Variants in MFN2 observed in about 807,000 individuals in gnomAD.
MFN2 encodes mitofusin 2, also known as mitofusin-2.
Under a neutral mutation model 87.5 loss-of-function variants are expected in MFN2, and 43 were observed. The ratio of observed to expected loss-of-function variants is 0.49; its 90% CI spans 0.38 to 0.63. The LOEUF (loss-of-function observed/expected upper bound fraction) is 0.63. Ranked by LOEUF, MFN2 falls within the 30% of genes least tolerant of loss-of-function variation. The pLI, the probability that MFN2 is intolerant of heterozygous loss-of-function variation, is 0.00. For synonymous variants in MFN2, 337 were observed against 359.9 expected (o/e 0.94, Z 0.72); for missense variants, 743 against 972.8 (o/e 0.76, Z 3.14).
intron 3 of MFN2, 103 bp from the exon 4 acceptor site, chr1:11,992,452 G>A: frequency 3.5e-6 from 5 of 1,434,828 alleles, no homozygotes; most frequent in Non-Finnish European, 4.9e-6. Context: ...GCCAGAGGTG[G>A]ACTCGTTTAG....
At chr1:11,998,093 A>C (rs753289339) in intron 6 of MFN2, among the ~76,000 whole-genome samples, 5 of 150,452 alleles carry the variant, frequency 3.3e-5, no homozygotes, top group Non-Finnish European at 7.4e-5. Context: ...CATGTTGGCC[A>C]GGCTGGTCTT....
chr1:11,990,389 A>G (rs1177048271), intron 3 of MFN2, among the ~76,000 whole-genome samples: 1 of 152,204 alleles, frequency 6.6e-6, no homozygotes, highest in Non-Finnish European at 1.5e-5. Flanking sequence ...AAATAATCCC[A>G]ACTCATTGCC....
rs1569842382 is a variant in MFN2, at chr1:11,998,810, G to A, written c.640G>A (p.Asp214Asn). Reference protein sequence around the residue: ...DVTTELDSWIDKFCLDADVFV... With the variant: ...DVTTELDSWINKFCLDADVFV... ...CACCACAGAGCTGGACAGCTGGATT[G>A]ACAAGTTTTGTCTGGATGCTGATGT... The change falls in exon 7 of 19, where the codon GAC (aspartate) becomes AAC (asparagine). Residue 214 changes from aspartate (D) to asparagine (N), a missense_variant. Asp to Asn is a conservative substitution (Grantham distance 23). Transcript: ENST00000235329. The A allele has an allele frequency of 1.9e-6, 3 of 1,614,120 alleles. No homozygotes were observed. The highest frequency in any genetic ancestry group is 2.5e-6 in the Non-Finnish European group (3 of 1,180,018).
chr1:11,984,293 C>T (rs1380065263), intron 2 of MFN2, among the ~76,000 whole-genome samples: 3 of 152,114 alleles, frequency 2.0e-5, no homozygotes, highest in Non-Finnish European at 2.9e-5. Flanking sequence ...TCCGTGATAG[C>T]GGGTAAGGGA....
intron 2 of MFN2, among the ~76,000 whole-genome samples, chr1:11,983,684 T>C (rs190224857): frequency 2.0e-5 from 3 of 152,250 alleles, no homozygotes; most frequent in Non-Finnish European, 4.4e-5. Flanking sequence ...TGCATCACCC[T>C]GGAGGAGTAG....
At chr1:11,993,262 C>G (rs986601987) in intron 4 of MFN2, among the ~76,000 whole-genome samples, 2 of 151,460 alleles carry the variant, frequency 1.3e-5, no homozygotes, top group Admixed American at 1.3e-4. Context: ...ATTCATAAAA[C>G]TTTTATTCCA....
At position 12,004,595 on chromosome 1, in the gene MFN2, C is replaced by G. The variant is rs760253679; in HGVS notation, c.1374C>G (p.Val458=). Residue 458 remains valine, a synonymous_variant, in exon 13 of 19, where the codon GTC becomes GTG. Coordinates refer to ENST00000235329, the MANE Select transcript of MFN2 (RefSeq NM_014874.4). This position sits in a 1 kb window ranked among gnomAD's most constrained non-coding sequence, Gnocchi z 4.2. ...YQMDFHPSPV[V]LKVYKNELHR... is the part of the protein sequence containing the mutation. ...TGGACTTCCACCCTTCTCCAGTAGT[C>G]CTCAAGGTTTATAAGAATGTGAGTC... The G allele has an allele frequency of 3.7e-6, 6 of 1,614,036 alleles. No individual in the cohort carries two copies. The Admixed American group carries it at 8.3e-5, about 22-fold the overall frequency.
At chr1:12,008,178 T>C (rs1452801072) in intron 17 of MFN2, among the ~76,000 whole-genome samples, 1 of 152,192 alleles carries the variant, frequency 6.6e-6, no homozygotes, top group East Asian at 1.9e-4. Flanking sequence ...ACAATCTGAT[T>C]TCTCTATCTT....
At position 12,003,575 on chromosome 1, in the gene MFN2, A is replaced by G. The variant is rs896498041; in HGVS notation, c.1161-417A>G. Among the ~76,000 whole-genome samples, 1 of 152,130 alleles carries G rather than the reference A, an allele frequency of 6.6e-6. No homozygotes were observed. Among genetic ancestry groups the G allele is most frequent in the Non-Finnish European group, 1.5e-5 (1 of 68,008 alleles). ...GCTACTCGGGAGGCTGAAGCAGGAG[A>G]ATCGCTTGAACCCAGGAAGTGGAGG... On this transcript the variant is annotated intron_variant, in intron 11 of 18. Transcript: ENST00000235329. This position sits in a 1 kb window ranked among gnomAD's most constrained non-coding sequence, Gnocchi z 4.1.
intron 3 of MFN2, among the ~76,000 whole-genome samples, chr1:11,990,429 G>T (rs536405583): frequency 6.6e-6 from 1 of 152,216 alleles, no homozygotes; most frequent in South Asian, 2.1e-4. Context: ...TGTGCCAGCC[G>T]TGTGCCAGGT....
intron 16 of MFN2, 125 bp from the exon 17 acceptor site, chr1:12,006,928 G>C (rs889180162): frequency 8.9e-6 from 12 of 1,347,740 alleles, no homozygotes; most frequent in African/African-American, 1.4e-5. Context: ...ATTGAAAGAG[G>C]AACTCAGAGT....
In MFN2 at chr1:12,011,690, A is replaced by T; in HGVS notation, c.*125A>T. On this transcript the variant is annotated 3_prime_UTR_variant, in exon 19 of 19. Coordinates refer to ENST00000235329, the MANE Select transcript of MFN2 (RefSeq NM_014874.4). ...CCACTGCCAAGAGAATGAAGCACCC[A>T]GTCTCGTACCATTTTGAGCCCTCCA... The T allele has an allele frequency of 1.0e-6, 1 of 985,362 alleles. No homozygotes were observed. The highest frequency in any genetic ancestry group is 1.6e-6 in the Non-Finnish European group (1 of 630,640). The allele number at this position is 985,362 out of a possible 1,614,324, so 61.0% of individuals were successfully genotyped here. A position where few individuals can be genotyped will look rare whatever the true frequency, so the allele number is the denominator to read the frequency against.
chr1:11,984,798 T>C (rs1007628632), intron 2 of MFN2, among the ~76,000 whole-genome samples: 3 of 152,186 alleles, frequency 2.0e-5, no homozygotes, highest in Admixed American at 2.0e-4. Context: ...ACACGGAGGT[T>C]CCTAGAGAGA....
intron 3 of MFN2, among the ~76,000 whole-genome samples, chr1:11,990,929 T>C (rs115932092): frequency 0.026 from 3,911 of 152,240 alleles, 146 homozygotes; most frequent in African/African-American, 0.082. Context: ...GCGCTGGCTG[T>C]GGGGGAAATT....
Position 12,003,912 on chromosome 1 carries a change from G to T in MFN2, c.1161-80G>T. 1 of 1,586,002 alleles carries T rather than the reference G, an allele frequency of 6.3e-7. No homozygotes were observed. Among genetic ancestry groups the T allele is most frequent in the South Asian group, 1.1e-5 (1 of 90,322 alleles). ...CAGGCAAGATAGCGGGCAGGGCGGC[G>T]TGGGATTTCTGGCATCCCCTCTTGC... On this transcript the variant is annotated intron_variant, in intron 11 of 18. Coordinates refer to ENST00000235329, the MANE Select transcript of MFN2 (RefSeq NM_014874.4). The surrounding 1 kb of genome is among the most constrained non-coding windows in gnomAD (Gnocchi z 4.1).
intron 8 of MFN2, among the ~76,000 whole-genome samples, chr1:12,001,167 T>A (rs2100838277): frequency 6.6e-6 from 1 of 152,254 alleles, no homozygotes; most frequent in South Asian, 2.1e-4. Flanking sequence ...CCTGCCACCA[T>A]GCCTGGCTAA....
chr1:11,991,997 T>C lies in MFN2; in HGVS notation c.176-558T>C, dbSNP rs60316118. Among the ~76,000 whole-genome samples, 436 of 144,834 alleles carry C rather than the reference T, an allele frequency of 3.0e-3. 3 individuals carry two copies. Among genetic ancestry groups the C allele is most frequent in the African/African-American group, 0.011 (417 of 39,502 alleles). ...AAGAGCCTGGACTCCAGAGCCAGGCTGCCTAATTCAAATCATAGCTCTGCC... is the reference window on the plus strand; with the variant it reads ...AAGAGCCTGGACTCCAGAGCCAGGCCGCCTAATTCAAATCATAGCTCTGCC... On this transcript the variant is annotated intron_variant, in intron 3 of 18. Coordinates refer to ENST00000235329, the MANE Select transcript of MFN2 (RefSeq NM_014874.4).
Position 11,980,510 on chromosome 1 carries a change from G to A in MFN2, c.-150+26G>A, listed in dbSNP as rs1645962544. On this transcript the variant is annotated intron_variant, in intron 1 of 18. Transcript: ENST00000235329. Reference sequence around the variant, plus strand: ...GTGAGAGGGCGAGCAAGCCGGGGTGGCGGGGACTGGCCCGGCCCGGCCCGG... The same window carrying A: ...GTGAGAGGGCGAGCAAGCCGGGGTGACGGGGACTGGCCCGGCCCGGCCCGG... 1.0e-5 allele frequency: 4 copies of A among 398,144 alleles called. No individual in the cohort carries two copies. In the South Asian group the frequency reaches 3.8e-4, roughly 38 times the overall value. 24.7% of individuals were successfully genotyped at this position (398,144 alleles called of 1,614,324 possible). A position where few individuals can be genotyped will look rare whatever the true frequency, so the allele number is the denominator to read the frequency against.
At chr1:11,999,905 T>C (rs1440415682) in intron 8 of MFN2, among the ~76,000 whole-genome samples, 1 of 151,652 alleles carries the variant, frequency 6.6e-6, no homozygotes, top group Admixed American at 6.6e-5. Context: ...CCATCCTGGC[T>C]AACGTGGTGA....
Sources: allele counts gnomAD v4.1 joint callset (sites outside exome capture counted in the v4.1 genomes callset), GRCh38; gene constraint gnomAD v4.1.1; non-coding constraint Gnocchi (gnomAD v3.1); transcripts MANE v1.5; gene names NCBI Gene and HGNC (gene_info 2026-07-23, HGNC 2026-07-21).